Variants in ASB5 observed in about 807,000 individuals in gnomAD.
The protein encoded by ASB5 is ankyrin repeat and SOCS box protein 5.
In ASB5, 45 loss-of-function variants were observed where a neutral mutation model predicts 42.1. The observed-to-expected ratio is 1.07, with a 90% CI of 0.84 to 1.37. The LOEUF is 1.37. Ranked by LOEUF, ASB5 falls within the 40% of genes most tolerant of loss-of-function variation. ASB5 has a pLI of 0.00. For synonymous variants in ASB5, 147 were observed against 150.6 expected (o/e 0.98, Z 0.18); for missense variants, 402 against 399.8 (o/e 1.01, Z -0.05).
At chr4:176,255,389 T>C (rs150564016) in intron 1 of ASB5, among the ~76,000 whole-genome samples, 2,443 of 152,258 alleles carry the variant, frequency 0.016, 38 homozygotes, top group Non-Finnish European at 0.023. Flanking sequence ...GAAACTGTTC[T>C]AACAAAAAGG....
chr4:176,240,152 A>G (rs1195641296), intron 1 of ASB5, among the ~76,000 whole-genome samples: 1 of 152,194 alleles, frequency 6.6e-6, no homozygotes, highest in Non-Finnish European at 1.5e-5. Flanking sequence ...AGTGGACAGA[A>G]GTTTTAAAGA....
chr4:176,258,241 G>A (rs1004538871), intron 1 of ASB5, among the ~76,000 whole-genome samples: 1 of 152,032 alleles, frequency 6.6e-6, no homozygotes, highest in African/African-American at 2.4e-5. Flanking sequence ...CGCTCAAGTA[G>A]TATCAATACC....
chr4:176,260,623 G>A lies in ASB5; in HGVS notation c.196+8290C>T, dbSNP rs114671791. On this transcript the variant is annotated intron_variant, in intron 1 of 6. Transcript: ENST00000296525. ...GAAGGCTGGAAAGAATAAATGACTT[G>A]TTCCCTATGCAGCTGATAATGTTTT... is the stretch of plus-strand genomic sequence containing the variant. Among the ~76,000 whole-genome samples the A allele has an allele frequency of 2.1e-3, 319 of 152,264 alleles. 4 individuals carry two copies. Among genetic ancestry groups the A allele is most frequent in the African/African-American group, 7.1e-3 (297 of 41,564 alleles).
At chr4:176,277,024 C>T (rs1349243255) in intron 1 of ASB5, among the ~76,000 whole-genome samples, 1 of 152,114 alleles carries the variant, frequency 6.6e-6, no homozygotes, top group Non-Finnish European at 1.5e-5. Flanking sequence ...AGGCAAGTTC[C>T]TTAATCCCTC....
intron 2 of ASB5, 137 bp from the exon 3 acceptor site, chr4:176,222,557 G>A (rs1195795274): frequency 2.6e-6 from 2 of 779,538 alleles, no homozygotes; most frequent in Non-Finnish European, 4.1e-6. Flanking sequence ...TAGCAGGATA[G>A]GCCAGTTCAA....
chr4:176,265,940 A>C (rs1284790859), intron 1 of ASB5, among the ~76,000 whole-genome samples: 1 of 152,208 alleles, frequency 6.6e-6, no homozygotes, highest in Non-Finnish European at 1.5e-5. Flanking sequence ...TGAGGGTGAT[A>C]AAAGTCTTAA....
At chr4:176,227,560 C>T (rs932232807) in intron 1 of ASB5, among the ~76,000 whole-genome samples, 6 of 152,122 alleles carry the variant, frequency 3.9e-5, no homozygotes, top group South Asian at 2.1e-4. Context: ...CATGTCCTGC[C>T]CTGGTTGCTG....
At chr4:176,276,877 A>G (rs1404047067) in intron 1 of ASB5, among the ~76,000 whole-genome samples, 1 of 152,192 alleles carries the variant, frequency 6.6e-6, no homozygotes, top group Admixed American at 6.5e-5. Flanking sequence ...AAGCCTCGAC[A>G]TTTGCTCTGA....
intron 1 of ASB5, among the ~76,000 whole-genome samples, chr4:176,263,766 C>G (rs1195240114): frequency 6.6e-6 from 1 of 152,082 alleles, no homozygotes; most frequent in Non-Finnish European, 1.5e-5. Context: ...CCAGCAGCAC[C>G]AAAAGTCACA....
At chr4:176,268,323 A>G (rs1754398483) in intron 1 of ASB5, among the ~76,000 whole-genome samples, 1 of 152,188 alleles carries the variant, frequency 6.6e-6, no homozygotes, top group South Asian at 2.1e-4. Flanking sequence ...ATCCTTTTAT[A>G]ACCAATTTTT....
At chr4:176,262,790 G>T (rs570503867) in intron 1 of ASB5, among the ~76,000 whole-genome samples, 1 of 152,196 alleles carries the variant, frequency 6.6e-6, no homozygotes, top group East Asian at 1.9e-4. Flanking sequence ...AGTAATAAAT[G>T]AGCAACTAAC....
chr4:176,244,073 T>C (rs1753862476), intron 1 of ASB5, among the ~76,000 whole-genome samples: 1 of 152,204 alleles, frequency 6.6e-6, no homozygotes. Context: ...AGTTTGGTGC[T>C]TTGTATTTGA....
chr4:176,242,789 A>G (rs1753836420), intron 1 of ASB5, among the ~76,000 whole-genome samples: 3 of 152,130 alleles, frequency 2.0e-5, no homozygotes. Context: ...TATTCTTTAC[A>G]TAATTTTGAT....
chr4:176,252,210 A>G (rs1247408825), intron 1 of ASB5, among the ~76,000 whole-genome samples: 3 of 152,184 alleles, frequency 2.0e-5, no homozygotes, highest in African/African-American at 7.2e-5. Flanking sequence ...ATGTCTGATT[A>G]AGAAGAAGGA....
At chr4:176,249,482 G>A (rs1291599841) in intron 1 of ASB5, 1 of 152,158 alleles carries the variant, frequency 6.6e-6, no homozygotes, top group African/African-American at 2.4e-5. Context: ...TTACCCTGCT[G>A]TTCTTTATTC....
At chr4:176,219,605 T>A (rs1470242793) in intron 5 of ASB5, among the ~76,000 whole-genome samples, 2 of 122,584 alleles carry the variant, frequency 1.6e-5, no homozygotes, top group Non-Finnish European at 3.3e-5. Context: ...TATATATATA[T>A]ATATATATAT....
intron 2 of ASB5, among the ~76,000 whole-genome samples, chr4:176,222,856 C>A (rs184888608): frequency 2.0e-5 from 3 of 152,142 alleles, no homozygotes; most frequent in African/African-American, 7.2e-5. Context: ...CGGCTCACTG[C>A]AAGCTCCGCC....
intron 1 of ASB5, among the ~76,000 whole-genome samples, chr4:176,252,893 G>A (rs567626916): frequency 6.6e-6 from 1 of 152,286 alleles, no homozygotes; most frequent in African/African-American, 2.4e-5. Context: ...CTCTACAAAG[G>A]AAGCATAACA....
rs556573617 is a variant in ASB5 at position 176,242,171 on chromosome 4, A to G, written c.197-16830T>C. Among the ~76,000 whole-genome samples, 7 of 152,168 alleles carry G rather than the reference A, an allele frequency of 4.6e-5. No homozygotes were observed. In the South Asian group the frequency reaches 1.0e-3, roughly 23 times the overall value. On this transcript the variant is annotated intron_variant, in intron 1 of 6. Coordinates refer to ENST00000296525, the MANE Select transcript of ASB5 (RefSeq NM_080874.4). ...AACTCTTACATTATCTTTTCTTCCA[A>G]TCTCACTTGGAACAACACAAAAAAG...
Sources: gnomAD v4.1 joint callset for allele counts (sites outside exome capture counted in the v4.1 genomes callset) on GRCh38, gnomAD v4.1.1 for gene constraint, MANE v1.5 for transcripts, NCBI Gene and HGNC (gene_info 2026-07-23, HGNC 2026-07-21) for gene names.